Variants in DOCK9 observed in about 807,000 individuals in gnomAD.
DOCK9 encodes dedicator of cytokinesis protein 9.
DOCK9 carries 89 observed loss-of-function variants against 263.3 expected under a neutral mutation model. The ratio of observed to expected loss-of-function variants is 0.34; its 90% CI spans 0.28 to 0.40. The LOEUF (loss-of-function observed/expected upper bound fraction) is 0.40, where lower values mean the gene tolerates loss of function less well. Ranked by LOEUF, DOCK9 falls within the 10% of genes least tolerant of loss-of-function variation. DOCK9 has a pLI of 1.00. For missense variants in DOCK9, 2,140 were observed against 2,603.4 expected, an observed-to-expected ratio of 0.82 and a Z score of 3.87; for synonymous variants, 976 against 973.1, an observed-to-expected ratio of 1.00 and a Z score of -0.06.
chr13:98,952,501 C>G (rs1293706259), intron 2 of DOCK9, among the ~76,000 whole-genome samples: 1 of 152,216 alleles, frequency 6.6e-6, no homozygotes, highest in African/African-American at 2.4e-5. Context: ...TCCCAAAGTG[C>G]TGGGATTACA....
intron 1 of DOCK9, among the ~76,000 whole-genome samples, chr13:99,016,526 A>G (rs1168540694): frequency 6.6e-6 from 1 of 152,226 alleles, no homozygotes; most frequent in South Asian, 2.1e-4. Flanking sequence ...TGGGAAATAC[A>G]TGCTGAGGTC....
At chr13:98,796,089 C>T (rs551201746) in intron 52 of DOCK9, 40 of 752,732 alleles carry the variant, frequency 5.3e-5, no homozygotes, top group Middle Eastern at 6.9e-4. Context: ...GAAGAGGGTG[C>T]TTTCCTCTGC....
intron 15 of DOCK9, among the ~76,000 whole-genome samples, chr13:98,896,879 G>T (rs1381689670): frequency 6.6e-6 from 1 of 152,172 alleles, no homozygotes; most frequent in Admixed American, 6.5e-5. Context: ...TGGAAACAGG[G>T]TCTCTGCAGA....
chr13:98,884,447 C>T (rs1055512141), intron 21 of DOCK9, among the ~76,000 whole-genome samples: 3 of 152,110 alleles, frequency 2.0e-5, no homozygotes, highest in African/African-American at 7.2e-5. Flanking sequence ...AAAGAACAGG[C>T]TTTATTTAAG....
chr13:99,076,099 T>C (rs142737993), intron 1 of DOCK9, among the ~76,000 whole-genome samples: 76 of 152,002 alleles, frequency 5.0e-4, no homozygotes, highest in Non-Finnish European at 9.3e-4. Flanking sequence ...AAGAAAGAAA[T>C]AGAAAGTAAA....
At chr13:99,026,087 A>C (rs943390687) in intron 1 of DOCK9, among the ~76,000 whole-genome samples, 2 of 45,114 alleles carry the variant, frequency 4.4e-5, no homozygotes, top group Non-Finnish European at 1.0e-4. Flanking sequence ...AAAAAAAAAA[A>C]AAAAAAAAAA....
At chr13:99,086,080 C>T in intron 1 of DOCK9, 1 of 1,265,052 alleles carries the variant, frequency 7.9e-7, no homozygotes, top group African/African-American at 1.6e-5. Context: ...CTCCCTCCCG[C>T]CGGCCCCACC....
At chr13:98,906,692 A>C (rs2049155688) in intron 9 of DOCK9, among the ~76,000 whole-genome samples, 1 of 152,236 alleles carries the variant, frequency 6.6e-6, no homozygotes, top group Non-Finnish European at 1.5e-5. Flanking sequence ...TAACGAGAAA[A>C]TAAGCATCTT....
intron 8 of DOCK9, 85 bp downstream of exon 8, chr13:98,915,244 A>G: frequency 7.3e-7 from 1 of 1,360,978 alleles, no homozygotes; most frequent in Middle Eastern, 1.9e-4. Flanking sequence ...CTTGTGTAAC[A>G]CAGGTCTCCT....
intron 1 of DOCK9, among the ~76,000 whole-genome samples, chr13:98,990,406 G>A (rs1192056233): frequency 1.5e-4 from 23 of 151,980 alleles, no homozygotes; most frequent in Admixed American, 1.4e-3. Flanking sequence ...AAGAAAAGAC[G>A]GTAAAATAAA....
At chr13:98,912,589 T>C (rs1264401270) in intron 9 of DOCK9, among the ~76,000 whole-genome samples, 1 of 151,954 alleles carries the variant, frequency 6.6e-6, no homozygotes, top group Non-Finnish European at 1.5e-5. Context: ...AAAGTATATA[T>C]ACATAAATGT....
intron 33 of DOCK9, 186 bp downstream of exon 33, chr13:98,860,219 C>G (rs1448142127): frequency 7.0e-7 from 1 of 1,433,692 alleles, no homozygotes; most frequent in African/African-American, 1.4e-5. Context: ...GCATCCGGGA[C>G]CTTTATTTCA....
chr13:98,880,200 A>G (rs1289521822), intron 26 of DOCK9, among the ~76,000 whole-genome samples: 1 of 152,096 alleles, frequency 6.6e-6, no homozygotes, highest in Non-Finnish European at 1.5e-5. Flanking sequence ...ACCTGTGCTC[A>G]GCGTGGCACA....
At chr13:98,979,645 C>T (rs1876621926), upstream of DOCK9, among the ~76,000 whole-genome samples, 1 of 152,168 alleles carries the variant, frequency 6.6e-6, no homozygotes, top group African/African-American at 2.4e-5. Context: ...CCCAATCTCT[C>T]AACCTTGGGT....
At chr13:98,863,210 A>C in intron 31 of DOCK9, 78 bp from the exon 32 acceptor site, 1 of 1,496,236 alleles carries the variant, frequency 6.7e-7, no homozygotes, top group Non-Finnish European at 9.2e-7. Context: ...CATCTCCTTT[A>C]TTTGGATCCT....
chr13:98,948,223 G>A (rs1158382957), intron 2 of DOCK9, among the ~76,000 whole-genome samples: 1 of 152,170 alleles, frequency 6.6e-6, no homozygotes, highest in African/African-American at 2.4e-5. Context: ...TATTGAAAGG[G>A]AAATAGAGTA....
chr13:98,855,967 A>G lies in DOCK9; in HGVS notation c.3762T>C (p.Ser1254=). The G allele has an allele frequency of 6.2e-7, 1 of 1,614,004 alleles. No homozygotes were observed. Among genetic ancestry groups the G allele is most frequent in the Non-Finnish European group, 8.5e-7 (1 of 1,179,874 alleles). The change falls in exon 34 of 53, where the codon TCT becomes TCC. Residue 1254 remains serine (S), a synonymous_variant. Coordinates refer to ENST00000682017, the MANE Select transcript of DOCK9 (RefSeq NM_001366683.2). ...TGTTACCCGAATCTGTGCTTATGAGAGATCCTCTCGAATCAGCATTTCTCA... is the reference window on the plus strand; with the variant it reads ...TGTTACCCGAATCTGTGCTTATGAGGGATCCTCTCGAATCAGCATTTCTCA... ...NSVRNADSRG[S]LISTDSGNSL... is the part of the protein sequence containing the mutation.
At chr13:98,929,330 G>A (rs773331686) in intron 3 of DOCK9, among the ~76,000 whole-genome samples, 3 of 152,116 alleles carry the variant, frequency 2.0e-5, no homozygotes, top group Non-Finnish European at 4.4e-5. Context: ...ATCACTTGAG[G>A]TCAGGAGTCT....
At chr13:98,951,030 T>C (rs1312654971) in intron 2 of DOCK9, among the ~76,000 whole-genome samples, 3 of 152,240 alleles carry the variant, frequency 2.0e-5, no homozygotes, top group Non-Finnish European at 2.9e-5. Flanking sequence ...AGTCAACTTA[T>C]ACAGCTTGAC....
Sources: allele counts gnomAD v4.1 joint callset (sites outside exome capture counted in the v4.1 genomes callset), GRCh38; gene constraint gnomAD v4.1.1; transcripts MANE v1.5; gene names NCBI Gene and HGNC (gene_info 2026-07-23, HGNC 2026-07-21).